Variants in EYS observed in about 807,000 individuals in gnomAD.
EYS encodes protein eyes shut homolog.
Under a neutral mutation model 282.1 loss-of-function variants are expected in EYS, and 250 were observed. The ratio of observed to expected loss-of-function variants is 0.89; its 90% CI spans 0.80 to 0.98. The LOEUF (loss-of-function observed/expected upper bound fraction) is 0.98, where lower values mean the gene tolerates loss of function less well. Ranked by LOEUF, EYS falls within the 50% of genes least tolerant of loss-of-function variation. EYS has a pLI of 0.00. For missense variants in EYS, 4,016 were observed against 3,709.0 expected (o/e 1.08, Z -2.15); for synonymous variants, 1,355 against 1,282.9 (o/e 1.06, Z -1.20).
intron 31 of EYS, among the ~76,000 whole-genome samples, chr6:64,154,701 C>CA (rs1015027562): frequency 1.3e-5 from 2 of 151,784 alleles, no homozygotes; most frequent in African/African-American, 4.8e-5. Context: ...TTAAAGACAA[C>CA]AATTTTAAAA....
intron 35 of EYS, among the ~76,000 whole-genome samples, chr6:63,975,934 C>A (rs573842121): frequency 6.6e-6 from 1 of 151,990 alleles, no homozygotes; most frequent in African/African-American, 2.4e-5. Context: ...GATGGCATAG[C>A]TTACTATCCA....
chr6:64,629,406 T>G (rs1767710616), intron 22 of EYS, among the ~76,000 whole-genome samples: 1 of 152,106 alleles, frequency 6.6e-6, no homozygotes, highest in Admixed American at 6.5e-5. Flanking sequence ...ATATATATTT[T>G]TAAAATCTTT....
At chr6:64,170,111 G>A (rs1764435218) in intron 31 of EYS, among the ~76,000 whole-genome samples, 1 of 152,094 alleles carries the variant, frequency 6.6e-6, no homozygotes, top group Non-Finnish European at 1.5e-5. Flanking sequence ...AAAGAAAACA[G>A]GTGCTGATCT....
At chr6:63,808,459 A>T (rs896906584) in intron 36 of EYS, among the ~76,000 whole-genome samples, 2 of 152,240 alleles carry the variant, frequency 1.3e-5, no homozygotes, top group Admixed American at 1.3e-4. Flanking sequence ...TGAATCATAG[A>T]TTAGACAGAG....
chr6:63,851,907 C>T (rs1281304077), intron 36 of EYS, among the ~76,000 whole-genome samples: 1 of 152,124 alleles, frequency 6.6e-6, no homozygotes, highest in African/African-American at 2.4e-5. Flanking sequence ...CCTGTAATCC[C>T]AGCACTTTGG....
chr6:64,572,018 T>C (rs1765742681), intron 26 of EYS, among the ~76,000 whole-genome samples: 1 of 151,938 alleles, frequency 6.6e-6, no homozygotes, highest in Non-Finnish European at 1.5e-5. Context: ...TGAACATCAA[T>C]GCAAAAATCC....
chr6:64,349,378 T>C (rs1012793334), intron 29 of EYS, among the ~76,000 whole-genome samples: 1 of 151,244 alleles, frequency 6.6e-6, no homozygotes, highest in African/African-American at 2.4e-5. Flanking sequence ...TCAACTCCTA[T>C]ATGATTTTAT....
At chr6:64,480,491 T>A (rs1776406513) in intron 26 of EYS, among the ~76,000 whole-genome samples, 1 of 151,824 alleles carries the variant, frequency 6.6e-6, no homozygotes, top group Non-Finnish European at 1.5e-5. Context: ...AAAAAGTTAA[T>A]CTTTGTGCGA....
chr6:65,254,203 C>G (rs975734019), intron 12 of EYS, among the ~76,000 whole-genome samples: 1 of 151,762 alleles, frequency 6.6e-6, no homozygotes, highest in Non-Finnish European at 1.5e-5. Context: ...AATCCCTTCC[C>G]GCACCCACAC....
At chr6:65,562,237 C>T (rs1209274273) in intron 2 of EYS, among the ~76,000 whole-genome samples, 2 of 151,964 alleles carry the variant, frequency 1.3e-5, no homozygotes, top group Non-Finnish European at 2.9e-5. Context: ...CAGGAACAAA[C>T]ATCAGATGTG....
chr6:64,394,738 A>G (rs1015188047), intron 28 of EYS, among the ~76,000 whole-genome samples: 4 of 152,054 alleles, frequency 2.6e-5, no homozygotes, highest in Admixed American at 2.0e-4. Flanking sequence ...CTTCATGTCT[A>G]AAACACCAAA....
At chr6:65,644,917 G>A (rs564741788) in intron 1 of EYS, among the ~76,000 whole-genome samples, 3 of 152,092 alleles carry the variant, frequency 2.0e-5, no homozygotes, top group South Asian at 2.1e-4. Context: ...TAAAAGGAGT[G>A]ATAAGACTTC....
intron 2 of EYS, among the ~76,000 whole-genome samples, chr6:65,539,713 A>C (rs1768093632): frequency 6.6e-6 from 1 of 152,214 alleles, no homozygotes. Flanking sequence ...AATATAAATA[A>C]ATATTACAGC....
intron 1 of EYS, among the ~76,000 whole-genome samples, chr6:65,694,367 T>C (rs1365879024): frequency 2.0e-5 from 3 of 148,430 alleles, no homozygotes; most frequent in Non-Finnish European, 4.5e-5. Context: ...TGGAGTTTAA[T>C]CATATTGCCA....
intron 26 of EYS, among the ~76,000 whole-genome samples, chr6:64,442,219 G>A (rs976444554): frequency 1.3e-5 from 2 of 152,168 alleles, no homozygotes; most frequent in Admixed American, 1.3e-4. Flanking sequence ...AAAGAGACTG[G>A]AGGTATTTTG....
chr6:65,094,218 T>C (rs1774659058), intron 12 of EYS, among the ~76,000 whole-genome samples: 1 of 134,430 alleles, frequency 7.4e-6, no homozygotes, highest in African/African-American at 2.8e-5. Flanking sequence ...AATATATACA[T>C]AAAGCAAACA....
At chr6:64,936,438 T>C (rs576993569) in intron 15 of EYS, among the ~76,000 whole-genome samples, 5 of 151,600 alleles carry the variant, frequency 3.3e-5, no homozygotes, top group Admixed American at 3.3e-4. Context: ...GTACTGGAAG[T>C]TGTTGGGATA....
intron 9 of EYS, among the ~76,000 whole-genome samples, chr6:65,345,010 G>A (rs1770341584): frequency 6.6e-6 from 1 of 151,516 alleles, no homozygotes; most frequent in Non-Finnish European, 1.5e-5. Context: ...CTAGGGACTC[G>A]CAAGGCATCA....
At chr6:65,423,917 A>G (rs954460959) in intron 5 of EYS, among the ~76,000 whole-genome samples, 1 of 152,044 alleles carries the variant, frequency 6.6e-6, no homozygotes, top group Non-Finnish European at 1.5e-5. Flanking sequence ...TTTGTTGAAT[A>G]AATAAATCCC....
Sources: allele counts gnomAD v4.1 joint callset (sites outside exome capture counted in the v4.1 genomes callset), GRCh38; gene constraint gnomAD v4.1.1; transcripts MANE v1.5; gene names NCBI Gene and HGNC (gene_info 2026-07-23, HGNC 2026-07-21).